RAPGEF2: variants seen among roughly 807,000 people sequenced by gnomAD.
RAPGEF2 encodes the protein PDZ domain containing guanine nucleotide exchange factor (GEF) 1.
In RAPGEF2, 54 loss-of-function variants were observed where a neutral mutation model predicts 186.7. That is an observed-to-expected ratio of 0.29 (90% CI 0.23 to 0.36). The LOEUF is 0.36. Ranked by LOEUF, RAPGEF2 falls within the 10% of genes least tolerant of loss-of-function variation. The probability of loss-of-function intolerance (pLI) is 1.00; values close to 1 mark genes in which losing one functional copy is unlikely to be tolerated. For missense variants in RAPGEF2, 1,532 were observed against 2,045.0 expected (o/e 0.75, Z 4.84); for synonymous variants, 712 against 705.9 (o/e 1.01, Z -0.14).
intron 1 of RAPGEF2, among the ~76,000 whole-genome samples, chr4:159,170,081 CT>C (rs36018963): frequency 6.7e-4 from 98 of 146,030 alleles, no homozygotes; most frequent in Middle Eastern, 3.6e-3. Context: ...ATGCTCATCT[CT>C]TTTTTTTTTT....
chr4:159,355,878 G>GCCCCCCCCCCC lies in RAPGEF2; in HGVS notation c.4682_4683insCCCCCCCCCCC (p.Thr1563ProfsTer66). The GCCCCCCCCCCC allele has an allele frequency of 1.1e-5, 17 of 1,515,846 alleles. No individual in the cohort carries two copies. Among genetic ancestry groups the GCCCCCCCCCCC allele is most frequent in the East Asian group, 2.5e-5 (1 of 40,078 alleles). 93.9% of individuals were successfully genotyped at this position (1,515,846 alleles called of 1,614,324 possible). On this transcript the variant is annotated frameshift_variant, in exon 29 of 30. Transcript: ENST00000691494. LOFTEE classifies it high-confidence loss of function. ...CACGAAAGGAGGGCAGGTATCGAGA[G>GCCCCCCCCCCC]CCCCCGCCCACCCCTCCCGGCTACA...
intron 7 of RAPGEF2, among the ~76,000 whole-genome samples, chr4:159,303,684 A>G (rs1406762750): frequency 1.3e-5 from 2 of 152,030 alleles, no homozygotes; most frequent in Non-Finnish European, 2.9e-5. Context: ...AAGGGGTGGC[A>G]GAACACGTAA....
At position 159,227,047 on chromosome 4, in the gene RAPGEF2, A is replaced by G. The variant is rs184369100; in HGVS notation, c.282-11762A>G. Among the ~76,000 whole-genome samples, 5 of 152,360 alleles carry G rather than the reference A, an allele frequency of 3.3e-5. No individual in the cohort carries two copies. In the East Asian group the frequency reaches 9.6e-4, roughly 29 times the overall value. On this transcript the variant is annotated intron_variant, in intron 4 of 29. Transcript: ENST00000691494. ...GTGACCTGAATTTTTGTTGAGGTTC[A>G]GTCTTACAAAGAAATACTTACCATT... is the stretch of plus-strand genomic sequence containing the variant.
intron 7 of RAPGEF2, among the ~76,000 whole-genome samples, chr4:159,281,317 T>A (rs577586245): frequency 6.6e-6 from 1 of 152,050 alleles, no homozygotes; most frequent in African/African-American, 2.4e-5. Context: ...AGTTATTGAT[T>A]TCTCCCTTCA....
At chr4:159,338,994 G>A in intron 18 of RAPGEF2, 120 bp from the exon 19 acceptor site, 1 of 1,174,190 alleles carries the variant, frequency 8.5e-7, no homozygotes, top group East Asian at 2.4e-5. Flanking sequence ...TAGAGTAAGG[G>A]AGAGGTAAAA....
intron 4 of RAPGEF2, among the ~76,000 whole-genome samples, chr4:159,215,748 T>G (rs1561095793): frequency 6.6e-6 from 1 of 152,196 alleles, no homozygotes; most frequent in Non-Finnish European, 1.5e-5. Flanking sequence ...CTTCACTTTC[T>G]TTTATGTGGT....
rs1435947701 is a variant in RAPGEF2 at position 159,108,951 on chromosome 4, A to G, written c.69+4720A>G. ...CTAGACTGGTCATGAAGTCCTGGGC[A>G]GAAGTGATCCTCCTGCTTCAGCCTC... On this transcript the variant is annotated intron_variant, in intron 1 of 29. Transcript: ENST00000691494. 2.6e-5 allele frequency among the ~76,000 whole-genome samples: 4 copies of G among 152,178 alleles called. No individual in the cohort carries two copies. In the East Asian group the frequency reaches 7.7e-4, roughly 29 times the overall value.
At chr4:159,155,159 A>G (rs1039954028) in intron 1 of RAPGEF2, among the ~76,000 whole-genome samples, 3 of 152,218 alleles carry the variant, frequency 2.0e-5, no homozygotes, top group Non-Finnish European at 4.4e-5. Flanking sequence ...TGATTCTCAA[A>G]TTAGGGACAA....
rs535388938 is a variant in RAPGEF2, at chr4:159,158,118, A to G, written c.70-28524A>G. ...TTCTTAAAGGAGATAAATATTAACT[A>G]GAAGGTTTTAATGATTTTTATTCTT... On this transcript the variant is annotated intron_variant, in intron 1 of 29. Transcript: ENST00000691494. 7.9e-4 allele frequency among the ~76,000 whole-genome samples: 120 copies of G among 152,346 alleles called. 1 individual carries two copies. Among genetic ancestry groups the G allele is most frequent in the Admixed American group, 2.4e-3 (36 of 15,306 alleles).
intron 7 of RAPGEF2, among the ~76,000 whole-genome samples, chr4:159,250,643 T>TA (rs1350134084): frequency 6.6e-6 from 1 of 151,180 alleles, no homozygotes; most frequent in African/African-American, 2.4e-5. Flanking sequence ...ACATTTCCCT[T>TA]TCACCAATTA....
Position 159,193,154 on chromosome 4 carries a change from T to A in RAPGEF2, c.141-46T>A, listed in dbSNP as rs758516616. ...TTTAAGGGTTTAAAATACCAGTCTG[T>A]TTTTTAGTGACAGATGTTGAACTCA... On this transcript the variant is annotated intron_variant, in intron 2 of 29. Coordinates refer to ENST00000691494, the MANE Select transcript of RAPGEF2 (RefSeq NM_001394067.2). 5.5e-6 allele frequency: 7 copies of A among 1,263,422 alleles called. No individual in the cohort carries two copies. The South Asian group carries it at 1.2e-4, about 22-fold the overall frequency. 78.3% of individuals were successfully genotyped at this position (1,263,422 alleles called of 1,614,324 possible).
At chr4:159,223,237 G>A (rs922185551) in intron 4 of RAPGEF2, among the ~76,000 whole-genome samples, 1 of 151,810 alleles carries the variant, frequency 6.6e-6, no homozygotes, top group Non-Finnish European at 1.5e-5. Flanking sequence ...ACATATTTTT[G>A]CTATTAAATA....
chr4:159,134,488 A>G (rs1408297470), intron 1 of RAPGEF2, among the ~76,000 whole-genome samples: 3 of 152,190 alleles, frequency 2.0e-5, no homozygotes, highest in East Asian at 3.8e-4. Context: ...TTCTTGATAG[A>G]TACTTAAATG....
At chr4:159,310,527 T>C (rs1763834369) in intron 8 of RAPGEF2, among the ~76,000 whole-genome samples, 1 of 152,144 alleles carries the variant, frequency 6.6e-6, no homozygotes, top group African/African-American at 2.4e-5. Flanking sequence ...TTTTAAAAAA[T>C]GTAAAATAAA....
At chr4:159,275,868 A>C (rs1561193108) in intron 7 of RAPGEF2, among the ~76,000 whole-genome samples, 1 of 152,114 alleles carries the variant, frequency 6.6e-6, no homozygotes, top group African/African-American at 2.4e-5. Context: ...GGAAAAAAAA[A>C]CGGGTAACCC....
intron 11 of RAPGEF2, among the ~76,000 whole-genome samples, chr4:159,324,707 C>T (rs1765700894): frequency 1.3e-5 from 2 of 152,010 alleles, no homozygotes; most frequent in Admixed American, 6.6e-5. Context: ...GAAATAGTAT[C>T]AGTATTGATA....
At chr4:159,317,219 T>C (rs1764711239) in intron 9 of RAPGEF2, among the ~76,000 whole-genome samples, 1 of 152,230 alleles carries the variant, frequency 6.6e-6, no homozygotes, top group South Asian at 2.1e-4. Flanking sequence ...CAACATTTAA[T>C]TGAAGTAATT....
chr4:159,252,599 T>C (rs1225072144), intron 7 of RAPGEF2, among the ~76,000 whole-genome samples: 1 of 152,202 alleles, frequency 6.6e-6, no homozygotes, highest in Non-Finnish European at 1.5e-5. Flanking sequence ...AACTTTTGCC[T>C]AAATTTTAGT....
intron 3 of RAPGEF2, among the ~76,000 whole-genome samples, chr4:159,197,447 T>C (rs1748763159): frequency 6.6e-6 from 1 of 152,094 alleles, no homozygotes; most frequent in South Asian, 2.1e-4. Context: ...ACGCCCACAC[T>C]ATAAATAAGT....
Sources: allele counts gnomAD v4.1 joint callset (sites outside exome capture counted in the v4.1 genomes callset), GRCh38; gene constraint gnomAD v4.1.1; transcripts MANE v1.5; gene names NCBI Gene and HGNC (gene_info 2026-07-23, HGNC 2026-07-21).